MROH1: variants seen among roughly 807,000 people sequenced by gnomAD.
The protein encoded by MROH1 is maestro heat-like repeat-containing protein family member 1.
In MROH1, 117 loss-of-function variants were observed where a neutral mutation model predicts 116.5. The ratio of observed to expected loss-of-function variants is 1.00; its 90% CI spans 0.86 to 1.17. MROH1 has a LOEUF of 1.17. Among genes scored for constraint, MROH1 ranks in the 50% most tolerant of loss-of-function variants. The pLI, the probability that MROH1 is intolerant of heterozygous loss-of-function variation, is 0.00. For missense variants in MROH1, 1,873 were observed against 1,338.5 expected (o/e 1.40, Z -6.23); for synonymous variants, 921 against 583.9 (o/e 1.58, Z -8.32).
At chr8:144,222,261 C>T (rs1836929797) in intron 13 of MROH1, among the ~76,000 whole-genome samples, 1 of 152,098 alleles carries the variant, frequency 6.6e-6, no homozygotes, top group East Asian at 1.9e-4. Flanking sequence ...TTGGGTGGAG[C>T]CCTCAGCAGA....
intron 8 of MROH1, 29 bp from the exon 9 acceptor site, chr8:144,191,686 T>G: frequency 4.3e-6 from 7 of 1,609,884 alleles, no homozygotes; most frequent in Non-Finnish European, 5.9e-6. Flanking sequence ...CTGAGCAGCG[T>G]AAGCTTCCCG....
intron 35 of MROH1, 146 bp downstream of exon 35, chr8:144,255,851 G>A: frequency 4.8e-6 from 3 of 630,694 alleles, no homozygotes; most frequent in South Asian, 1.8e-5. Context: ...GCCTCACCCA[G>A]GTGCAGGGCT....
At chr8:144,229,149 G>A (rs977090462) in intron 14 of MROH1, among the ~76,000 whole-genome samples, 1 of 152,116 alleles carries the variant, frequency 6.6e-6, no homozygotes, top group Non-Finnish European at 1.5e-5. Flanking sequence ...TACATTTGCA[G>A]TGACTTCCTC....
intron 4 of MROH1, among the ~76,000 whole-genome samples, chr8:144,178,102 G>T (rs984854789): frequency 6.6e-6 from 1 of 151,176 alleles, no homozygotes; most frequent in African/African-American, 2.4e-5. Flanking sequence ...TGGGATTACA[G>T]GTGCCGGCCA....
At position 144,247,588 on chromosome 8, in the gene MROH1, A is replaced by G; in HGVS notation, c.3029A>G (p.Asp1010Gly). ...GYEGFSRDYR[D>G]DVAERLLSLK... ...TCAGGCTTCTCCCGGGACTACCGCG[A>G]TGACGTGGCGGAGCGGCTCCTCAGC... Residue 1010 changes from aspartate to glycine, a missense_variant, in exon 31 of 44, where the codon GAT becomes GGT. Asp to Gly is a moderately conservative substitution (Grantham distance 94). Transcript: ENST00000326134. 2 of 774,412 alleles carry G rather than the reference A, an allele frequency of 2.6e-6. No individual in the cohort carries two copies. The highest frequency in any genetic ancestry group is 4.8e-6 in the Non-Finnish European group (2 of 417,276). The allele number at this position is 774,412 out of a possible 1,614,324, so 48.0% of individuals were successfully genotyped here. A position where few individuals can be genotyped will look rare whatever the true frequency, so the allele number is the denominator to read the frequency against.
chr8:144,188,614 G>A (rs771180930), intron 7 of MROH1, among the ~76,000 whole-genome samples: 3 of 151,944 alleles, frequency 2.0e-5, no homozygotes, highest in East Asian at 1.9e-4. Context: ...TTACAGGGGC[G>A]TGCCACCACA....
intron 3 of MROH1, among the ~76,000 whole-genome samples, chr8:144,164,970 G>A (rs1192937014): frequency 6.6e-6 from 1 of 150,790 alleles, no homozygotes; most frequent in African/African-American, 2.5e-5. Flanking sequence ...GGACTAGGAT[G>A]TCCTTCAAGC....
chr8:144,209,294 A>G (rs1475946391), intron 12 of MROH1, among the ~76,000 whole-genome samples: 1 of 151,934 alleles, frequency 6.6e-6, no homozygotes, highest in Non-Finnish European at 1.5e-5. Flanking sequence ...AATCGTTAGT[A>G]TAGGCCGGGC....
chr8:144,229,261 C>G (rs747444913), intron 14 of MROH1, among the ~76,000 whole-genome samples: 1 of 152,174 alleles, frequency 6.6e-6, no homozygotes, highest in East Asian at 1.9e-4. Flanking sequence ...CCATGAATCA[C>G]AAATGCTCTT....
chr8:144,181,274 A>ACCCAGTGATGGGGGAGGGG (rs1564413664), intron 7 of MROH1, among the ~76,000 whole-genome samples: 8 of 1,994 alleles, frequency 4.0e-3, no homozygotes, highest in South Asian at 0.019. Context: ...GTGTGGGAGG[A>ACCCAGTGATGGGGGAGGGG]CCCAGTGATG....
chr8:144,239,267 C>T (rs1038247887), intron 16 of MROH1, 56 bp from the exon 17 acceptor site: 4 of 777,200 alleles, frequency 5.1e-6, no homozygotes, highest in Non-Finnish European at 7.2e-6. Flanking sequence ...GTTCCTGACA[C>T]CCGCCCCAGG....
chr8:144,164,391 T>G (rs1587791786), intron 3 of MROH1, among the ~76,000 whole-genome samples: 4 of 140,102 alleles, frequency 2.9e-5, no homozygotes, highest in Non-Finnish European at 4.6e-5. Context: ...GGCGATGGAG[T>G]GAGACTCGGT....
At chr8:144,176,032 G>A (rs545682581) in intron 4 of MROH1, among the ~76,000 whole-genome samples, 1 of 151,986 alleles carries the variant, frequency 6.6e-6, no homozygotes, top group Non-Finnish European at 1.5e-5. Flanking sequence ...CTGGGTGACA[G>A]GGCGAGACTC....
At chr8:144,248,754 G>A in intron 31 of MROH1, 123 bp from the exon 32 acceptor site, 1 of 701,188 alleles carries the variant, frequency 1.4e-6, no homozygotes. Context: ...AGCGGCTGGG[G>A]CCCGGCTGCA....
At chr8:144,173,163 G>A (rs1480575077) in intron 4 of MROH1, among the ~76,000 whole-genome samples, 1 of 149,408 alleles carries the variant, frequency 6.7e-6, no homozygotes, top group Non-Finnish European at 1.5e-5. Context: ...GAGTGCAGTG[G>A]TGTGATCTCA....
In MROH1 at chr8:144,175,498, C is replaced by T. The variant is rs952354104; in HGVS notation, c.169-3957C>T. ...AATTCTTTCCTCCCCAGTTCCTGCA[C>T]TATACCGGCCGTGCTGCCCCGGCAG... On this transcript the variant is annotated intron_variant, in intron 4 of 43. Transcript: ENST00000326134. The T allele has an allele frequency of 5.9e-5, 58 of 985,480 alleles. No individual in the cohort carries two copies. In the African/African-American group the frequency reaches 9.1e-4, roughly 15 times the overall value. 61.0% of individuals were successfully genotyped at this position (985,480 alleles called of 1,614,324 possible). A position where few individuals can be genotyped will look rare whatever the true frequency, so the allele number is the denominator to read the frequency against.
At chr8:144,155,259 C>T (rs1240881013) in intron 1 of MROH1, among the ~76,000 whole-genome samples, 3 of 152,184 alleles carry the variant, frequency 2.0e-5, no homozygotes, top group African/African-American at 7.2e-5. Context: ...CCTCTCAATA[C>T]TGCGTCTTTA....
intron 33 of MROH1, chr8:144,254,455 C>T (rs942576122): frequency 1.7e-3 from 363 of 215,006 alleles, no homozygotes; most frequent in South Asian, 3.8e-3. Flanking sequence ...CTGGGAGCTG[C>T]GCTCTTTGAC....
intron 39 of MROH1, 141 bp from the exon 40 acceptor site, chr8:144,260,536 C>T: frequency 1.4e-6 from 1 of 740,692 alleles, no homozygotes; most frequent in Admixed American, 1.8e-5. Context: ...GGCCTGGCAG[C>T]CCCCACCCGT....
Sources: allele counts gnomAD v4.1 joint callset (sites outside exome capture counted in the v4.1 genomes callset), GRCh38; gene constraint gnomAD v4.1.1; transcripts MANE v1.5; gene names NCBI Gene and HGNC (gene_info 2026-07-23, HGNC 2026-07-21).